The following PRSS12 variants were observed in gnomAD, a reference collection of about 807,000 sequenced individuals.
The protein encoded by PRSS12 is neurotrypsin.
Under a neutral mutation model 104.4 loss-of-function variants are expected in PRSS12, and 85 were observed. The observed-to-expected ratio is 0.81, with a 90% confidence interval of 0.68 to 0.98. The LOEUF is 0.98. PRSS12 is among the 50% of genes least tolerant of loss of function. The pLI is 0.00. For missense variants in PRSS12, 1,141 were observed against 1,139.2 expected (o/e 1.00, Z -0.02); for synonymous variants, 454 against 425.2 (o/e 1.07, Z -0.83).
chr4:118,318,484 G>A lies in PRSS12; in HGVS notation c.1044C>T (p.Arg348=), dbSNP rs746339085. 2 of 1,614,144 alleles carry A rather than the reference G, an allele frequency of 1.2e-6. No homozygotes were observed. The highest frequency in any genetic ancestry group is 8.5e-7 in the Non-Finnish European group (1 of 1,180,016). The change falls in exon 5 of 13, where the codon CGC becomes CGT. Residue 348 remains arginine (R), a synonymous_variant. Transcript: ENST00000296498. ...GSGPVMLDEV[R]CTGNELSIEQ... is the part of the protein sequence containing the mutation. ...CAATTGAAAGCTCATTCCCAGTGCA[G>A]CGTACTTCATCCAACATAACTGGGC...
At chr4:118,338,425 C>A (rs897779142) in intron 1 of PRSS12, 111 bp from the exon 2 acceptor site, 35 of 1,370,836 alleles carry the variant, frequency 2.6e-5, no homozygotes, top group Middle Eastern at 3.7e-4. Context: ...GGGATCCAGG[C>A]AGAATGATTT....
chr4:118,335,992 T>C (rs996328356), intron 2 of PRSS12, among the ~76,000 whole-genome samples: 2 of 152,206 alleles, frequency 1.3e-5, no homozygotes, highest in African/African-American at 4.8e-5. Context: ...CAGTGAGGCT[T>C]GGACTCCAGT....
chr4:118,332,368 T>C (rs1463795614), intron 3 of PRSS12, among the ~76,000 whole-genome samples: 1 of 152,216 alleles, frequency 6.6e-6, no homozygotes, highest in Non-Finnish European at 1.5e-5. Flanking sequence ...CTGGACATCA[T>C]GGCCAGTACC....
chr4:118,341,726 T>G (rs1724216868), intron 1 of PRSS12, among the ~76,000 whole-genome samples: 1 of 152,094 alleles, frequency 6.6e-6, no homozygotes. Flanking sequence ...CTATAACTTA[T>G]TTCCTTCTAC....
intron 11 of PRSS12, among the ~76,000 whole-genome samples, chr4:118,285,065 T>TA (rs1214368813): frequency 6.6e-6 from 1 of 152,210 alleles, no homozygotes; most frequent in Non-Finnish European, 1.5e-5. Context: ...CCATCTCGTA[T>TA]ATATGATTAA....
At chr4:118,335,386 T>C in intron 3 of PRSS12, 87 bp downstream of exon 3, 2 of 1,471,590 alleles carry the variant, frequency 1.4e-6, no homozygotes, top group Non-Finnish European at 1.9e-6. Context: ...TTTAAGGAAA[T>C]GATTATAACT....
chr4:118,298,490 A>G (rs923383013), intron 9 of PRSS12, among the ~76,000 whole-genome samples: 2 of 152,196 alleles, frequency 1.3e-5, no homozygotes, highest in African/African-American at 4.8e-5. Flanking sequence ...TAAGAAAGTG[A>G]AAAGAGGATG....
At chr4:118,304,455 T>C (rs1743486177) in intron 8 of PRSS12, among the ~76,000 whole-genome samples, 1 of 152,020 alleles carries the variant, frequency 6.6e-6, no homozygotes, top group South Asian at 2.1e-4. Context: ...TTAAGTCCTT[T>C]GCAGCTATTT....
intron 1 of PRSS12, among the ~76,000 whole-genome samples, chr4:118,338,751 C>T (rs980096775): frequency 1.3e-5 from 2 of 152,168 alleles, no homozygotes; most frequent in East Asian, 1.9e-4. Flanking sequence ...CAATAAGAAA[C>T]ACAGAAACAA....
intron 8 of PRSS12, among the ~76,000 whole-genome samples, chr4:118,299,229 C>T (rs1262645014): frequency 2.0e-5 from 3 of 152,080 alleles, no homozygotes; most frequent in South Asian, 2.1e-4. Flanking sequence ...CTTTAACTCT[C>T]GTTTAAGCAG....
At position 118,335,656 on chromosome 4, in the gene PRSS12, A is replaced by G. The variant is rs191202544; in HGVS notation, c.642-5T>C. The G allele has an allele frequency of 6.2e-7, 1 of 1,613,734 alleles. No individual in the cohort carries two copies. Among genetic ancestry groups the G allele is most frequent in the Admixed American group, 1.7e-5 (1 of 60,004 alleles). Reference sequence around the variant, plus strand: ...TGTTTTGCTATTCCTTTTCCTCTGGAAGTACAATGAGCGATATTAGGTTTA... The same window carrying G: ...TGTTTTGCTATTCCTTTTCCTCTGGGAGTACAATGAGCGATATTAGGTTTA... On this transcript the variant is annotated splice_region_variant and splice_polypyrimidine_tract_variant and intron_variant, in intron 2 of 12. Transcript: ENST00000296498.
intron 3 of PRSS12, 68 bp from the exon 4 acceptor site, chr4:118,331,934 T>C (rs1723931183): frequency 6.3e-7 from 1 of 1,593,090 alleles, no homozygotes; most frequent in Non-Finnish European, 8.6e-7. Context: ...ATTAGGTATA[T>C]TCTATATTTT....
intron 5 of PRSS12, among the ~76,000 whole-genome samples, chr4:118,316,590 G>C (rs947005547): frequency 2.7e-5 from 4 of 148,108 alleles, no homozygotes; most frequent in Non-Finnish European, 6.1e-5. Context: ...GGGAGGCTGA[G>C]GCAGGTGGAT....
In PRSS12 at chr4:118,352,940, A is replaced by C; in HGVS notation, c.-220T>G. On this transcript the variant is annotated 5_prime_UTR_variant, in exon 1 of 13. Transcript: ENST00000296498. ...CCTGGCGGCGGCCGCGGGTGGGGAA[A>C]TCTGGAGCTCAGCCGAGCCCCGGCC... The C allele has an allele frequency of 8.1e-7, 1 of 1,229,286 alleles. No individual in the cohort carries two copies. Among genetic ancestry groups the C allele is most frequent in the Non-Finnish European group, 1.1e-6 (1 of 941,592 alleles). The allele number at this position is 1,229,286 out of a possible 1,614,324, so 76.1% of individuals were successfully genotyped here. A position where few individuals can be genotyped will look rare whatever the true frequency, so the allele number is the denominator to read the frequency against.
intron 5 of PRSS12, among the ~76,000 whole-genome samples, chr4:118,316,837 A>AAAAAAAAATATATATAT (rs35698159): frequency 1.0e-5 from 1 of 99,192 alleles, no homozygotes; most frequent in South Asian, 3.8e-4. Context: ...AAAAAAAAAA[A>AAAAAAAAATATATATAT]ATATATATAT....
At chr4:118,297,722 AT>A (rs1277105239) in intron 9 of PRSS12, among the ~76,000 whole-genome samples, 1 of 152,158 alleles carries the variant, frequency 6.6e-6, no homozygotes, top group East Asian at 1.9e-4. Context: ...TTTTAACAAA[AT>A]CCAGTGTATC....
rs1357206582 is a variant in PRSS12, at chr4:118,281,729, T to C, written c.*207A>G. On this transcript the variant is annotated 3_prime_UTR_variant, in exon 13 of 13. Coordinates refer to ENST00000296498, the MANE Select transcript of PRSS12 (RefSeq NM_003619.4). Reference sequence around the variant, plus strand: ...TCCAGTGAAATTAGGGTAGAAAATGTTCATTTAAGGATTATCACTTCCACT... The same window carrying C: ...TCCAGTGAAATTAGGGTAGAAAATGCTCATTTAAGGATTATCACTTCCACT... 6.7e-6 allele frequency: 4 copies of C among 596,378 alleles called. No homozygotes were observed. Among genetic ancestry groups the C allele is most frequent in the Non-Finnish European group, 1.2e-5 (4 of 333,796 alleles). 36.9% of individuals were successfully genotyped at this position (596,378 alleles called of 1,614,324 possible).
At chr4:118,336,225 A>G (rs1724062800) in intron 2 of PRSS12, among the ~76,000 whole-genome samples, 1 of 152,222 alleles carries the variant, frequency 6.6e-6, no homozygotes, top group Non-Finnish European at 1.5e-5. Context: ...TTTGCTAGCA[A>G]GCCTTTGAAA....
intron 1 of PRSS12, among the ~76,000 whole-genome samples, chr4:118,350,531 G>C (rs1326468851): frequency 6.6e-6 from 1 of 152,152 alleles, no homozygotes; most frequent in South Asian, 2.1e-4. Flanking sequence ...CTCCCATCTT[G>C]AGTGGTTTCT....
Sources: gnomAD v4.1 joint callset for allele counts (sites outside exome capture counted in the v4.1 genomes callset) on GRCh38, gnomAD v4.1.1 for gene constraint, MANE v1.5 for transcripts, NCBI Gene and HGNC (gene_info 2026-07-23, HGNC 2026-07-21) for gene names.